PACS2: variants seen among roughly 807,000 people sequenced by gnomAD.
PACS2 encodes the protein PACS1-like protein.
In PACS2, 36 loss-of-function variants were observed where a neutral mutation model predicts 113.0. The ratio of observed to expected loss-of-function variants is 0.32; its 90% CI spans 0.24 to 0.42. PACS2 has a LOEUF of 0.42. PACS2 is among the 10% of genes least tolerant of loss of function. The probability of loss-of-function intolerance (pLI) is 1.00; values close to 1 mark genes in which losing one functional copy is unlikely to be tolerated. For synonymous variants in PACS2, 589 were observed against 536.1 expected, an observed-to-expected ratio of 1.10 and a Z score of -1.36; for missense variants, 1,015 against 1,239.5, an observed-to-expected ratio of 0.82 and a Z score of 2.72.
intron 15 of PACS2, 198 bp from the exon 16 acceptor site, chr14:105,383,161 G>A (rs1241106546): frequency 9.0e-6 from 6 of 669,620 alleles, no homozygotes; most frequent in African/African-American, 7.1e-5. Flanking sequence ...AGCCTGGGCT[G>A]AGGCCATGAC....
intron 1 of PACS2, among the ~76,000 whole-genome samples, chr14:105,326,688 G>A (rs1353416032): frequency 6.6e-5 from 10 of 152,218 alleles, no homozygotes; most frequent in Non-Finnish European, 1.5e-4. Context: ...TCAAGCCTGG[G>A]GTGTGGCCTA....
Position 105,391,739 on chromosome 14 carries a change from CGGT to C in PACS2, c.2230_2232del (p.Val744del), listed in dbSNP as rs782371447. 1.1e-5 allele frequency: 17 copies of C among 1,595,918 alleles called. No individual in the cohort carries two copies. The highest frequency in any genetic ancestry group is 1.4e-5 in the Non-Finnish European group (16 of 1,172,118). ...TCACCCACCCCGCCCTCCTCCCCGT[CGGT>C]GAGCGGAGGCCTGTCCTCCCCCAGG... On this transcript the variant is annotated inframe_deletion, in exon 22 of 25. Transcript: ENST00000447393.
rs952238565 is a variant in PACS2, at chr14:105,354,322, G to A, written c.298-730G>A. On this transcript the variant is annotated intron_variant, in intron 3 of 24. Coordinates refer to ENST00000447393, the MANE Select transcript of PACS2 (RefSeq NM_001100913.3). This position sits in a 1 kb window ranked among gnomAD's most constrained non-coding sequence, Gnocchi z 4.2. ...TTGCCATGTTGGCTAGGGTGGTCTC[G>A]AACTCCCTACCTCAGGTGATCCGCC... is the stretch of plus-strand genomic sequence containing the variant. Among the ~76,000 whole-genome samples the A allele has an allele frequency of 1.1e-4, 17 of 152,088 alleles. No homozygotes were observed. Among genetic ancestry groups the A allele is most frequent in the Admixed American group, 9.8e-4 (15 of 15,284 alleles).
At position 105,323,079 on chromosome 14, in the gene PACS2, T is replaced by A. The variant is rs2058961140; in HGVS notation, c.119+8042T>A. Among the ~76,000 whole-genome samples the A allele has an allele frequency of 6.6e-6, 1 of 152,112 alleles. No homozygotes were observed. The highest frequency in any genetic ancestry group is 2.1e-4 in the South Asian group (1 of 4,824). On this transcript the variant is annotated intron_variant, in intron 1 of 24. Transcript: ENST00000447393. The surrounding 1 kb of genome is among the most constrained non-coding windows in gnomAD (Gnocchi z 4.1). ...GGGAGACGTCTGGGTGGCTTTGTGG[T>A]CATGTCATCGTTGCCAACGGTCGTC... is the stretch of plus-strand genomic sequence containing the variant.
chr14:105,342,659 C>A (rs1179874169), intron 1 of PACS2, among the ~76,000 whole-genome samples: 1 of 151,856 alleles, frequency 6.6e-6, no homozygotes, highest in Non-Finnish European at 1.5e-5. Flanking sequence ...GTAGGCCAGG[C>A]GCAGTGGCTC....
intron 1 of PACS2, among the ~76,000 whole-genome samples, chr14:105,305,125 G>T (rs2058149225): frequency 6.6e-6 from 1 of 152,198 alleles, no homozygotes; most frequent in Admixed American, 6.5e-5. Context: ...GGCTGGCTGG[G>T]CACAGTGGCT....
chr14:105,312,287 A>G (rs587712660), upstream of PACS2, among the ~76,000 whole-genome samples: 8 of 152,276 alleles, frequency 5.3e-5, no homozygotes, highest in South Asian at 6.2e-4. Context: ...TTTAATACCA[A>G]TGGAATCCTA....
chr14:105,308,483 T>A (rs1297368583), intron 1 of PACS2, among the ~76,000 whole-genome samples: 2 of 144,630 alleles, frequency 1.4e-5, no homozygotes, highest in Non-Finnish European at 3.0e-5. Context: ...GATTCTGTCT[T>A]TTTTTTTTTT....
At position 105,354,117 on chromosome 14, in the gene PACS2, CA is replaced by C. The variant is rs1188793963; in HGVS notation, c.298-928del. Among the ~76,000 whole-genome samples the C allele has an allele frequency of 6.6e-6, 1 of 151,652 alleles. No homozygotes were observed. Among genetic ancestry groups the C allele is most frequent in the Non-Finnish European group, 1.5e-5 (1 of 67,910 alleles). On this transcript the variant is annotated intron_variant, in intron 3 of 24. Coordinates refer to ENST00000447393, the MANE Select transcript of PACS2 (RefSeq NM_001100913.3). The surrounding 1 kb of genome is among the most constrained non-coding windows in gnomAD (Gnocchi z 4.2). ...AAAAGAGAGAATATAATAACGAGGGCAAAAAAACACTTACTGAGTCAAGGCT... is the reference window on the plus strand; with the variant it reads ...AAAAGAGAGAATATAATAACGAGGGCAAAAAACACTTACTGAGTCAAGGCT...
upstream of PACS2, among the ~76,000 whole-genome samples, chr14:105,312,256 TG>T (rs139980578): frequency 3.3e-3 from 501 of 152,340 alleles, 3 homozygotes; most frequent in African/African-American, 0.012. Context: ...GTCCCATGAC[TG>T]GGGGTTGGGG....
chr14:105,361,963 A>G (rs2060701193), intron 4 of PACS2, among the ~76,000 whole-genome samples: 1 of 151,648 alleles, frequency 6.6e-6, no homozygotes, highest in Non-Finnish European at 1.5e-5. Context: ...CAAACAAACA[A>G]AAAAAACGAA....
intron 1 of PACS2, among the ~76,000 whole-genome samples, chr14:105,316,195 C>T (rs774249772): frequency 1.3e-5 from 2 of 152,212 alleles, no homozygotes; most frequent in African/African-American, 4.8e-5. Flanking sequence ...CGGCACGACT[C>T]TTGCACCTGG....
intron 17 of PACS2, 106 bp from the exon 18 acceptor site, chr14:105,384,773 T>C: frequency 1.3e-6 from 1 of 744,612 alleles, no homozygotes; most frequent in South Asian, 1.6e-5. Context: ...CTGCCGCGCT[T>C]CGGGGTACGG....
intron 10 of PACS2, 84 bp downstream of exon 10, chr14:105,379,913 G>A: frequency 7.0e-7 from 1 of 1,426,850 alleles, no homozygotes; most frequent in Admixed American, 1.7e-5. Flanking sequence ...GCATGTCCTG[G>A]GCCCAGGGCC....
intron 1 of PACS2, among the ~76,000 whole-genome samples, chr14:105,306,237 A>C (rs1297016361): frequency 6.6e-6 from 1 of 152,164 alleles, no homozygotes; most frequent in African/African-American, 2.4e-5. Context: ...GGCACCTGCA[A>C]ACTTCCCCTC....
In PACS2 at chr14:105,363,690, C is replaced by T. The variant is rs75644803; in HGVS notation, c.424-3523C>T. ...CTCCTTCCTGTGTTCGCTGGAGCAG[C>T]GATTTTCCTTTCCCTCAGGAGCTTT... is the stretch of plus-strand genomic sequence containing the variant. On this transcript the variant is annotated intron_variant, in intron 4 of 24. Coordinates refer to ENST00000447393, the MANE Select transcript of PACS2 (RefSeq NM_001100913.3). 5.2e-3 allele frequency among the ~76,000 whole-genome samples: 793 copies of T among 152,272 alleles called. 7 individuals carry two copies. Among genetic ancestry groups the T allele is most frequent in the East Asian group, 0.016 (82 of 5,174 alleles).
In PACS2 at chr14:105,361,217, C is replaced by T. The variant is rs587645551; in HGVS notation, c.424-5996C>T. Among the ~76,000 whole-genome samples the T allele has an allele frequency of 2.8e-4, 42 of 152,332 alleles. No individual in the cohort carries two copies. In the South Asian group the frequency reaches 6.6e-3, roughly 24 times the overall value. Reference sequence around the variant, plus strand: ...CATCAAGAATGGTGAATCCAGGCCACGCGCAGTGGCTCACACCTGTCATCC... The same window carrying T: ...CATCAAGAATGGTGAATCCAGGCCATGCGCAGTGGCTCACACCTGTCATCC... On this transcript the variant is annotated intron_variant, in intron 4 of 24. Coordinates refer to ENST00000447393, the MANE Select transcript of PACS2 (RefSeq NM_001100913.3).
chr14:105,336,098 G>A (rs959346481), intron 1 of PACS2, among the ~76,000 whole-genome samples: 1 of 152,208 alleles, frequency 6.6e-6, no homozygotes, highest in Non-Finnish European at 1.5e-5. Flanking sequence ...ACGCGGGCAG[G>A]CTCGCGACCG....
chr14:105,367,050 GTTT>G (rs2060966101), intron 4 of PACS2, among the ~76,000 whole-genome samples, 160 bp from the exon 5 acceptor site: 2 of 152,118 alleles, frequency 1.3e-5, no homozygotes, highest in Non-Finnish European at 2.9e-5. Context: ...CAGTGGCCAC[GTTT>G]CCTGTCCACT....
Sources: gnomAD v4.1 joint callset for allele counts (sites outside exome capture counted in the v4.1 genomes callset) on GRCh38, gnomAD v4.1.1 for gene constraint, Gnocchi (gnomAD v3.1) non-coding constraint, MANE v1.5 for transcripts, NCBI Gene and HGNC (gene_info 2026-07-23, HGNC 2026-07-21) for gene names.